SGCZ: variants seen among roughly 807,000 people sequenced by gnomAD.
SGCZ encodes zeta-sarcoglycan.
SGCZ carries 40 observed loss-of-function variants against 41.3 expected under a neutral mutation model. The observed-to-expected ratio is 0.97, with a 90% CI of 0.75 to 1.26. The LOEUF (loss-of-function observed/expected upper bound fraction) is 1.26, where lower values mean the gene tolerates loss of function less well. Ranked by LOEUF, SGCZ falls within the 50% of genes most tolerant of loss-of-function variation. The pLI is 0.00. For missense variants in SGCZ, 552 were observed against 369.8 expected (o/e 1.49, Z -4.04); for synonymous variants, 206 against 137.5 (o/e 1.50, Z -3.49).
At chr8:14,993,314 C>T (rs923816020) in intron 1 of SGCZ, among the ~76,000 whole-genome samples, 3 of 152,048 alleles carry the variant, frequency 2.0e-5, no homozygotes, top group African/African-American at 7.2e-5. Flanking sequence ...ATATATTCAA[C>T]AAATATTTAT....
At chr8:15,203,713 C>T (rs775638161) in intron 1 of SGCZ, among the ~76,000 whole-genome samples, 1 of 152,074 alleles carries the variant, frequency 6.6e-6, no homozygotes, top group South Asian at 2.1e-4. Context: ...GCCTGCCGTT[C>T]GGAAAGTCAT....
At position 14,554,945 on chromosome 8, in the gene SGCZ, AGAAAGAGAAAGAAG is replaced by A; in HGVS notation, c.40-33_40-20del. On this transcript the variant is annotated intron_variant, in intron 1 of 7. Coordinates refer to ENST00000382080, the MANE Select transcript of SGCZ (RefSeq NM_139167.4). ...GTGTCATCTGAAAAAGAAAAAAGAA[AGAAAGAGAAAGAAG>A]GAAAAAAAAAGAAGCATTAAAAAAA... is the stretch of plus-strand genomic sequence containing the variant. 1 of 1,524,984 alleles carries A rather than the reference AGAAAGAGAAAGAAG, an allele frequency of 6.6e-7. No individual in the cohort carries two copies. Among genetic ancestry groups the A allele is most frequent in the Admixed American group, 2.2e-5 (1 of 45,614 alleles). 94.5% of individuals were successfully genotyped at this position (1,524,984 alleles called of 1,614,324 possible). A position where few individuals can be genotyped will look rare whatever the true frequency, so the allele number is the denominator to read the frequency against.
intron 2 of SGCZ, among the ~76,000 whole-genome samples, chr8:14,466,000 T>A (rs1563347779): frequency 6.6e-6 from 1 of 151,954 alleles, no homozygotes; most frequent in African/African-American, 2.4e-5. Context: ...AGTTATAAAA[T>A]ATTGTTAAAA....
intron 1 of SGCZ, among the ~76,000 whole-genome samples, chr8:15,188,886 G>A (rs1428160818): frequency 1.3e-5 from 2 of 151,622 alleles, no homozygotes; most frequent in African/African-American, 2.4e-5. Context: ...AGTGTGGGAG[G>A]AAAAAAAGAA....
At chr8:15,231,993 T>A (rs1003460194) in intron 1 of SGCZ, among the ~76,000 whole-genome samples, 4 of 152,194 alleles carry the variant, frequency 2.6e-5, no homozygotes, top group African/African-American at 9.6e-5. Context: ...AAGAATTTTA[T>A]CACAAACCAA....
At chr8:14,123,583 T>G (rs757324216) in intron 5 of SGCZ, among the ~76,000 whole-genome samples, 27 of 152,200 alleles carry the variant, frequency 1.8e-4, no homozygotes, top group African/African-American at 6.5e-4. Context: ...CTCCATCTTC[T>G]GAATGAGTTA....
At chr8:14,781,081 G>T (rs1028492960) in intron 1 of SGCZ, among the ~76,000 whole-genome samples, 2 of 152,108 alleles carry the variant, frequency 1.3e-5, no homozygotes, top group African/African-American at 4.8e-5. Context: ...CCTGAGGGAT[G>T]CAGTCAGCAT....
intron 4 of SGCZ, among the ~76,000 whole-genome samples, chr8:14,197,914 A>T (rs527387985): frequency 6.6e-6 from 1 of 152,134 alleles, no homozygotes; most frequent in Admixed American, 6.5e-5. Flanking sequence ...ATTAAAAAAT[A>T]TATATAAAGT....
At chr8:14,883,235 TAAAAA>T (rs370971113) in intron 1 of SGCZ, among the ~76,000 whole-genome samples, 1 of 137,990 alleles carries the variant, frequency 7.2e-6, no homozygotes, top group Admixed American at 7.2e-5. Context: ...TTGGGCTACT[TAAAAA>T]AAAAAAAAAA....
chr8:15,218,548 A>G (rs1801491875), intron 1 of SGCZ, among the ~76,000 whole-genome samples: 1 of 152,196 alleles, frequency 6.6e-6, no homozygotes, highest in African/African-American at 2.4e-5. Context: ...ATCCATGCAA[A>G]GACCAACACT....
At chr8:14,433,484 T>C (rs922113418) in intron 2 of SGCZ, among the ~76,000 whole-genome samples, 2 of 152,174 alleles carry the variant, frequency 1.3e-5, no homozygotes, top group Non-Finnish European at 1.5e-5. Flanking sequence ...TCAACTCTAC[T>C]GTGCTGAGAT....
At chr8:14,318,159 A>T (rs1028083181) in intron 3 of SGCZ, among the ~76,000 whole-genome samples, 1 of 151,554 alleles carries the variant, frequency 6.6e-6, no homozygotes, top group Non-Finnish European at 1.5e-5. Context: ...TTGGTTTTTC[A>T]AAAGAAAGAA....
intron 5 of SGCZ, among the ~76,000 whole-genome samples, chr8:14,117,717 A>G (rs1266019064): frequency 6.6e-6 from 1 of 151,244 alleles, no homozygotes; most frequent in African/African-American, 2.4e-5. Context: ...TATTTCTCCT[A>G]ATGTTATCCC....
chr8:14,223,712 A>C (rs1032042592), intron 4 of SGCZ, among the ~76,000 whole-genome samples: 19 of 152,196 alleles, frequency 1.2e-4, no homozygotes, highest in Non-Finnish European at 2.4e-4. Flanking sequence ...CCACCTGCCT[A>C]TTCTGATAAA....
chr8:14,952,938 C>G (rs981652090), intron 1 of SGCZ, among the ~76,000 whole-genome samples: 1 of 152,096 alleles, frequency 6.6e-6, no homozygotes, highest in Admixed American at 6.6e-5. Flanking sequence ...GAAATCAACA[C>G]TGCAAAATTC....
At chr8:14,220,480 T>A (rs1806154859) in intron 4 of SGCZ, among the ~76,000 whole-genome samples, 2 of 152,186 alleles carry the variant, frequency 1.3e-5, no homozygotes, top group Admixed American at 1.3e-4. Context: ...ATCTTGACCG[T>A]GATCTTAGGT....
intron 1 of SGCZ, among the ~76,000 whole-genome samples, chr8:15,201,075 G>C (rs940145220): frequency 2.0e-5 from 3 of 152,174 alleles, no homozygotes; most frequent in African/African-American, 7.2e-5. Flanking sequence ...GGAGTGCAGT[G>C]GCACCATCTT....
chr8:14,332,371 G>A (rs1802362312), intron 2 of SGCZ, among the ~76,000 whole-genome samples: 1 of 152,118 alleles, frequency 6.6e-6, no homozygotes, highest in Admixed American at 6.6e-5. Context: ...AACCCGGGAG[G>A]CGGAGCTTGC....
intron 1 of SGCZ, among the ~76,000 whole-genome samples, chr8:15,105,519 C>A (rs2131089483): frequency 6.6e-6 from 1 of 152,050 alleles, no homozygotes; most frequent in African/African-American, 2.4e-5. Flanking sequence ...GAGCTAAGGC[C>A]GAAGTGATAC....
Sources: allele counts gnomAD v4.1 joint callset (sites outside exome capture counted in the v4.1 genomes callset), GRCh38; gene constraint gnomAD v4.1.1; transcripts MANE v1.5; gene names NCBI Gene and HGNC (gene_info 2026-07-23, HGNC 2026-07-21).